Variants in PRMT3 observed in about 807,000 individuals in gnomAD.
PRMT3 encodes protein arginine methyltransferase 3, also known as protein arginine N-methyltransferase 3.
In PRMT3, 62 loss-of-function variants were observed where a neutral mutation model predicts 71.9. The observed-to-expected ratio is 0.86, with a 90% CI of 0.70 to 1.07. The LOEUF (loss-of-function observed/expected upper bound fraction) is 1.07. Ranked by LOEUF, PRMT3 falls within the 50% of genes least tolerant of loss-of-function variation. PRMT3 has a pLI of 0.00. For synonymous variants in PRMT3, 213 were observed against 220.4 expected (o/e 0.97, Z 0.30); for missense variants, 663 against 643.0 (o/e 1.03, Z -0.34).
At chr11:20,422,231 AGTTTAT>A (rs1378448264) in intron 9 of PRMT3, among the ~76,000 whole-genome samples, 3 of 152,150 alleles carry the variant, frequency 2.0e-5, no homozygotes, top group Non-Finnish European at 4.4e-5. Context: ...AAATGTTGAG[AGTTTAT>A]GCCAACAGTG....
At position 20,397,695 on chromosome 11, in the gene PRMT3, T is replaced by G. The variant is rs1463679220; in HGVS notation, c.679T>G (p.Tyr227Asp). The G allele has an allele frequency of 8.7e-6, 14 of 1,614,108 alleles. No individual in the cohort carries two copies. Among genetic ancestry groups the G allele is most frequent in the Non-Finnish European group, 1.2e-5 (14 of 1,180,006 alleles). ...TGTTTATTTCAGCTCATACGGGCAT[T>G]ATGGGATACATGAAGAAATGCTAAA... ...DGVYFSSYGHYGIHEEMLKDK... is the reference protein window; with the variant it reads ...DGVYFSSYGHDGIHEEMLKDK... Residue 227 changes from tyrosine to aspartate, a missense_variant, in exon 7 of 16, where the codon TAT (tyrosine) becomes GAT (aspartate). Tyr to Asp is a radical substitution (Grantham distance 160). Coordinates refer to ENST00000331079, the MANE Select transcript of PRMT3 (RefSeq NM_005788.4).
chr11:20,482,297 C>G (rs546342088), intron 13 of PRMT3, among the ~76,000 whole-genome samples: 1 of 152,120 alleles, frequency 6.6e-6, no homozygotes, highest in Non-Finnish European at 1.5e-5. Flanking sequence ...AGGATTTGAA[C>G]ATCAAATTGT....
chr11:20,483,504 A>T (rs1850994789), intron 13 of PRMT3, among the ~76,000 whole-genome samples: 1 of 151,722 alleles, frequency 6.6e-6, no homozygotes, highest in Admixed American at 6.6e-5. Context: ...AGGAGAAGAG[A>T]AATCTAGAGA....
At chr11:20,505,760 T>C (rs1260460999) in intron 15 of PRMT3, among the ~76,000 whole-genome samples, 1 of 152,092 alleles carries the variant, frequency 6.6e-6, no homozygotes, top group African/African-American at 2.4e-5. Flanking sequence ...CTTAGGTTAA[T>C]GCCTTAGATA....
intron 10 of PRMT3, among the ~76,000 whole-genome samples, chr11:20,431,554 A>T (rs1017085793): frequency 6.6e-5 from 10 of 152,202 alleles, no homozygotes; most frequent in Non-Finnish European, 5.9e-5. Context: ...AATCATATAC[A>T]TGAAATAAAG....
intron 2 of PRMT3, among the ~76,000 whole-genome samples, chr11:20,389,070 T>C (rs1592327484): frequency 6.6e-6 from 1 of 152,210 alleles, no homozygotes; most frequent in Admixed American, 6.5e-5. Flanking sequence ...CCTCCATAAA[T>C]AGTCGACATA....
intron 13 of PRMT3, among the ~76,000 whole-genome samples, chr11:20,467,940 C>G (rs750221152): frequency 2.0e-5 from 3 of 152,196 alleles, no homozygotes; most frequent in African/African-American, 4.8e-5. Flanking sequence ...ACCCTCCCTC[C>G]TACAGACCTA....
intron 9 of PRMT3, among the ~76,000 whole-genome samples, chr11:20,425,277 G>A (rs959814324): frequency 5.9e-5 from 9 of 152,200 alleles, no homozygotes; most frequent in East Asian, 5.8e-4. Context: ...TGAAAATTTC[G>A]AAGATCAACA....
intron 13 of PRMT3, among the ~76,000 whole-genome samples, chr11:20,478,987 GTGC>G (rs1458350611): frequency 6.6e-6 from 1 of 152,170 alleles, no homozygotes; most frequent in Non-Finnish European, 1.5e-5. Flanking sequence ...AAACACATCT[GTGC>G]TGCTTAGAAA....
At position 20,387,992 on chromosome 11, in the gene PRMT3, G is replaced by A; in HGVS notation, c.29-27G>A. ...CCGGGCCGCACCGGTGTCCGAGGCC[G>A]ATCTGATTGTTGTGTGTGTGTGTTA... On this transcript the variant is annotated intron_variant, in intron 1 of 15. Coordinates refer to ENST00000331079, the MANE Select transcript of PRMT3 (RefSeq NM_005788.4). This position sits in a 1 kb window ranked among gnomAD's most constrained non-coding sequence, Gnocchi z 4.3. 6.2e-7 allele frequency: 1 copy of A among 1,613,202 alleles called. No homozygotes were observed. Among genetic ancestry groups the A allele is most frequent in the Non-Finnish European group, 8.5e-7 (1 of 1,179,696 alleles).
At position 20,387,926 on chromosome 11, in the gene PRMT3, C is replaced by T; in HGVS notation, c.29-93C>T. 2.5e-6 allele frequency: 4 copies of T among 1,586,936 alleles called. No homozygotes were observed. The highest frequency in any genetic ancestry group is 3.4e-6 in the Non-Finnish European group (4 of 1,165,114). On this transcript the variant is annotated intron_variant, in intron 1 of 15. Coordinates refer to ENST00000331079, the MANE Select transcript of PRMT3 (RefSeq NM_005788.4). This position sits in a 1 kb window ranked among gnomAD's most constrained non-coding sequence, Gnocchi z 4.3. ...GTGCTGAGTGAGGGCCGCGGGCGAACGGGGCGGAGGAGAGCCCATCGTCAC... is the reference window on the plus strand; with the variant it reads ...GTGCTGAGTGAGGGCCGCGGGCGAATGGGGCGGAGGAGAGCCCATCGTCAC...
intron 10 of PRMT3, among the ~76,000 whole-genome samples, chr11:20,438,603 C>T (rs1849815379): frequency 6.6e-6 from 1 of 152,114 alleles, no homozygotes; most frequent in Non-Finnish European, 1.5e-5. Flanking sequence ...ACTGCATCAG[C>T]TCAGCCCTGG....
intron 15 of PRMT3, among the ~76,000 whole-genome samples, chr11:20,497,992 T>A (rs909006383): frequency 2.0e-5 from 3 of 152,192 alleles, no homozygotes; most frequent in Admixed American, 1.3e-4. Flanking sequence ...AAAAATGTTA[T>A]AACTATGCTT....
intron 9 of PRMT3, among the ~76,000 whole-genome samples, 195 bp from the exon 10 acceptor site, chr11:20,426,571 C>T (rs1849550587): frequency 6.6e-6 from 1 of 152,072 alleles, no homozygotes; most frequent in African/African-American, 2.4e-5. Context: ...ACTGTATTGC[C>T]ATATTAACCA....
In PRMT3 at chr11:20,387,927, G is replaced by C. The variant is rs187506041; in HGVS notation, c.29-92G>C. ...TGCTGAGTGAGGGCCGCGGGCGAAC[G>C]GGGCGGAGGAGAGCCCATCGTCACC... is the stretch of plus-strand genomic sequence containing the variant. On this transcript the variant is annotated intron_variant, in intron 1 of 15. Coordinates refer to ENST00000331079, the MANE Select transcript of PRMT3 (RefSeq NM_005788.4). The surrounding 1 kb of genome is among the most constrained non-coding windows in gnomAD (Gnocchi z 4.3). The C allele has an allele frequency of 5.7e-6, 9 of 1,589,100 alleles. No homozygotes were observed. In the South Asian group the frequency reaches 6.7e-5, roughly 12 times the overall value.
At chr11:20,477,104 G>A (rs1325382127) in intron 13 of PRMT3, among the ~76,000 whole-genome samples, 1 of 152,152 alleles carries the variant, frequency 6.6e-6, no homozygotes, top group African/African-American at 2.4e-5. Flanking sequence ...TGAGTTTATG[G>A]TTTATTACAG....
chr11:20,481,744 G>T (rs1850942258), intron 13 of PRMT3, among the ~76,000 whole-genome samples: 2 of 151,952 alleles, frequency 1.3e-5, no homozygotes, highest in Non-Finnish European at 2.9e-5. Context: ...TGAAGTCCAG[G>T]TGCACCTTAT....
intron 7 of PRMT3, among the ~76,000 whole-genome samples, chr11:20,401,411 GAGA>G (rs1324717398): frequency 1.3e-5 from 2 of 151,942 alleles, no homozygotes; most frequent in African/African-American, 2.4e-5. Context: ...AATTCTTCAG[GAGA>G]AGATTTAATA....
intron 9 of PRMT3, among the ~76,000 whole-genome samples, chr11:20,411,905 T>C (rs2133329359): frequency 6.6e-6 from 1 of 152,316 alleles, no homozygotes; most frequent in South Asian, 2.1e-4. Context: ...ATTGTGACTT[T>C]GTGATAATGG....
Sources: gnomAD v4.1 joint callset for allele counts (sites outside exome capture counted in the v4.1 genomes callset) on GRCh38, gnomAD v4.1.1 for gene constraint, Gnocchi (gnomAD v3.1) non-coding constraint, MANE v1.5 for transcripts, NCBI Gene and HGNC (gene_info 2026-07-23, HGNC 2026-07-21) for gene names.